Variants in RPS6KA2 observed in about 807,000 individuals in gnomAD.
RPS6KA2 encodes the protein ribosomal protein S6 kinase alpha-2.
In RPS6KA2, 42 loss-of-function variants were observed where a neutral mutation model predicts 91.8. The ratio of observed to expected loss-of-function variants is 0.46; its 90% CI spans 0.36 to 0.59. RPS6KA2 has a LOEUF of 0.59. Ranked by LOEUF, RPS6KA2 falls within the 20% of genes least tolerant of loss-of-function variation. The probability of loss-of-function intolerance (pLI) is 0.00; values close to 1 mark genes in which losing one functional copy is unlikely to be tolerated. For synonymous variants in RPS6KA2, 414 were observed against 393.6 expected, an observed-to-expected ratio of 1.05 and a Z score of -0.61; for missense variants, 798 against 978.5, an observed-to-expected ratio of 0.82 and a Z score of 2.46.
intron 2 of RPS6KA2, among the ~76,000 whole-genome samples, chr6:166,685,302 T>TGGGAGCACAGAGGCCGA (rs1788977941): frequency 1.2e-4 from 18 of 149,726 alleles, no homozygotes; most frequent in African/African-American, 3.7e-4. Flanking sequence ...GTGTGCAGGC[T>TGGGAGCACAGAGGCCGA]GGAAGGACAG....
chr6:166,515,614 A>T (rs954827709), intron 3 of RPS6KA2, among the ~76,000 whole-genome samples: 7 of 148,314 alleles, frequency 4.7e-5, no homozygotes, highest in Non-Finnish European at 7.3e-5. Context: ...AGATTGCCGA[A>T]TGGAGCTCTT....
At chr6:166,819,834 T>C (rs1435731957) in intron 2 of RPS6KA2, among the ~76,000 whole-genome samples, 2 of 152,226 alleles carry the variant, frequency 1.3e-5, no homozygotes, top group Admixed American at 6.5e-5. Flanking sequence ...GTATTTACTG[T>C]ATTTATGAAG....
rs1249381900 is a variant in RPS6KA2 at position 166,448,572 on chromosome 6, T to C, written c.1332+152A>G. The C allele has an allele frequency of 6.4e-6, 6 of 939,124 alleles. No homozygotes were observed. The Admixed American group carries it at 1.0e-4, about 16-fold the overall frequency. The allele number at this position is 939,124 out of a possible 1,614,324, so 58.2% of individuals were successfully genotyped here. ...CGTGAGCACATATGCTGTGCTCCTA[T>C]GCTCCGTGCTCCCATGTGCTGTACA... On this transcript the variant is annotated intron_variant, in intron 14 of 20. Coordinates refer to ENST00000265678, the MANE Select transcript of RPS6KA2 (RefSeq NM_021135.6). The surrounding 1 kb of genome is among the most constrained non-coding windows in gnomAD (Gnocchi z 4.7).
chr6:166,592,026 T>G (rs1313786566), intron 1 of RPS6KA2, among the ~76,000 whole-genome samples: 1 of 152,206 alleles, frequency 6.6e-6, no homozygotes, highest in African/African-American at 2.4e-5. Flanking sequence ...ATGGACGTTC[T>G]GTTTAAAAAA....
chr6:166,664,079 G>A (rs369830137), intron 2 of RPS6KA2, among the ~76,000 whole-genome samples: 27 of 152,326 alleles, frequency 1.8e-4, no homozygotes, highest in Middle Eastern at 3.4e-3. Context: ...TGTTAGAAGC[G>A]TTAATAACTT....
chr6:166,413,994 C>G (rs1778412462), intron 19 of RPS6KA2, 63 bp from the exon 20 acceptor site: 2 of 1,518,756 alleles, frequency 1.3e-6, no homozygotes, highest in African/African-American at 2.7e-5. Flanking sequence ...GTCAGAGAGC[C>G]TCCCCAGCAG....
At chr6:166,465,785 G>A (rs1484170928) in intron 11 of RPS6KA2, among the ~76,000 whole-genome samples, 2 of 152,366 alleles carry the variant, frequency 1.3e-5, no homozygotes, top group Admixed American at 1.3e-4. Context: ...CTCAGTCTGT[G>A]AGCAGCTGGA....
intron 2 of RPS6KA2, among the ~76,000 whole-genome samples, chr6:166,756,528 A>G (rs1778014638): frequency 6.6e-6 from 1 of 152,180 alleles, no homozygotes; most frequent in African/African-American, 2.4e-5. Flanking sequence ...ATGATTATAA[A>G]CACGTTTGGG....
chr6:166,443,265 AG>A (rs556180283), intron 14 of RPS6KA2, among the ~76,000 whole-genome samples: 44 of 152,286 alleles, frequency 2.9e-4, no homozygotes, highest in African/African-American at 1.0e-3. Flanking sequence ...CTGTCTGAAA[AG>A]GGGGGCACTC....
intron 2 of RPS6KA2, among the ~76,000 whole-genome samples, chr6:166,824,926 G>A (rs568525077): frequency 1.3e-5 from 2 of 152,272 alleles, no homozygotes; most frequent in East Asian, 3.9e-4. Context: ...GTGAAAAGAG[G>A]CAATCACATC....
Position 166,467,322 on chromosome 6 carries a change from C to T in RPS6KA2, c.972+2519G>A, listed in dbSNP as rs369902093. Among the ~76,000 whole-genome samples the T allele has an allele frequency of 5.9e-5, 9 of 152,334 alleles. 1 individual carries two copies. The East Asian group carries it at 1.2e-3, about 20-fold the overall frequency. ...CCCTGTTTTAGAGCTGTGGGATACA[C>T]CTCTAAGCCACAGATTCCTGATCTT... On this transcript the variant is annotated intron_variant, in intron 11 of 20. Transcript: ENST00000265678.
At chr6:166,702,159 G>T in intron 2 of RPS6KA2, 1 of 1,593,838 alleles carries the variant, frequency 6.3e-7, no homozygotes, top group Non-Finnish European at 8.6e-7. Flanking sequence ...GACTGGGTCT[G>T]TTTGGTGATG....
intron 2 of RPS6KA2, among the ~76,000 whole-genome samples, chr6:166,679,649 G>A (rs545244886): frequency 5.3e-5 from 8 of 152,256 alleles, no homozygotes; most frequent in Admixed American, 3.9e-4. Flanking sequence ...GGCGCTCCTC[G>A]ATCTGGCCGC....
chr6:166,804,990 A>G (rs1166464341), intron 2 of RPS6KA2, among the ~76,000 whole-genome samples: 1 of 152,244 alleles, frequency 6.6e-6, no homozygotes, highest in Non-Finnish European at 1.5e-5. Context: ...TTATTATTAA[A>G]AAGAAATACA....
intron 2 of RPS6KA2, among the ~76,000 whole-genome samples, chr6:166,718,771 G>T (rs1790091412): frequency 6.6e-6 from 1 of 152,146 alleles, no homozygotes; most frequent in Non-Finnish European, 1.5e-5. Flanking sequence ...TTTCAGATCG[G>T]TTATGTCTCA....
At chr6:166,725,037 T>G (rs549035522) in intron 2 of RPS6KA2, among the ~76,000 whole-genome samples, 1 of 152,192 alleles carries the variant, frequency 6.6e-6, no homozygotes, top group African/African-American at 2.4e-5. Context: ...TCTTCCACTG[T>G]TCTAGCTTTT....
intron 2 of RPS6KA2, among the ~76,000 whole-genome samples, chr6:166,710,423 C>T (rs999525524): frequency 6.6e-6 from 1 of 151,460 alleles, no homozygotes; most frequent in Non-Finnish European, 1.5e-5. Flanking sequence ...TATGCATGCA[C>T]GAGTGTGTGT....
intron 2 of RPS6KA2, among the ~76,000 whole-genome samples, chr6:166,785,037 ACT>A (rs1298430166): frequency 1.3e-5 from 2 of 151,708 alleles, no homozygotes; most frequent in African/African-American, 4.8e-5. Flanking sequence ...GCTATTGGTC[ACT>A]CTCTGTATAC....
chr6:166,596,745 C>T (rs758241741), intron 1 of RPS6KA2, among the ~76,000 whole-genome samples: 1 of 152,150 alleles, frequency 6.6e-6, no homozygotes, highest in African/African-American at 2.4e-5. Context: ...TAATAAACTC[C>T]CTTTCACATA....
Sources: allele counts gnomAD v4.1 joint callset (sites outside exome capture counted in the v4.1 genomes callset), GRCh38; gene constraint gnomAD v4.1.1; non-coding constraint Gnocchi (gnomAD v3.1); transcripts MANE v1.5; gene names NCBI Gene and HGNC (gene_info 2026-07-23, HGNC 2026-07-21).